NCOA1: variants seen among roughly 807,000 people sequenced by gnomAD.
NCOA1 encodes nuclear receptor coactivator 1.
Under a neutral mutation model 150.9 loss-of-function variants are expected in NCOA1, and 35 were observed. The ratio of observed to expected loss-of-function variants is 0.23; its 90% CI spans 0.18 to 0.31. NCOA1 has a LOEUF of 0.31. Among genes scored for constraint, NCOA1 ranks in the 10% least tolerant of loss-of-function variants. NCOA1 has a pLI of 1.00. For synonymous variants in NCOA1, 590 were observed against 630.0 expected, an observed-to-expected ratio of 0.94 and a Z score of 0.95; for missense variants, 1,491 against 1,749.3, an observed-to-expected ratio of 0.85 and a Z score of 2.63.
At chr2:24,622,575 T>G (rs1192369692) in intron 3 of NCOA1, among the ~76,000 whole-genome samples, 1 of 152,242 alleles carries the variant, frequency 6.6e-6, no homozygotes, top group East Asian at 1.9e-4. Context: ...TATACCAATT[T>G]CTATTCCAAA....
At chr2:24,585,235 C>T (rs1667351569) in intron 3 of NCOA1, among the ~76,000 whole-genome samples, 1 of 152,148 alleles carries the variant, frequency 6.6e-6, no homozygotes, top group Admixed American at 6.5e-5. Context: ...TTAGAGTTCT[C>T]TATCCACTTA....
chr2:24,535,169 T>C (rs1400341556), intron 1 of NCOA1, among the ~76,000 whole-genome samples: 3 of 151,878 alleles, frequency 2.0e-5, no homozygotes, highest in Admixed American at 6.6e-5. Flanking sequence ...ATAGTTAGCT[T>C]TTCTTGTTGA....
chr2:24,542,492 CT>C (rs958319576), intron 1 of NCOA1, among the ~76,000 whole-genome samples: 5 of 151,904 alleles, frequency 3.3e-5, no homozygotes, highest in Admixed American at 6.6e-5. Context: ...AAATTATACA[CT>C]TTTTTTTGGC....
intron 22 of NCOA1, among the ~76,000 whole-genome samples, chr2:24,763,606 GTC>G (rs201961456): frequency 3.6e-5 from 5 of 137,906 alleles, no homozygotes; most frequent in Non-Finnish European, 4.6e-5. Context: ...TTGAACTTTG[GTC>G]TCTCTCTCTT....
chr2:24,554,808 C>T (rs948176570), intron 1 of NCOA1, among the ~76,000 whole-genome samples: 13 of 152,088 alleles, frequency 8.5e-5, no homozygotes, highest in Non-Finnish European at 1.3e-4. Flanking sequence ...AATTGGCTGA[C>T]GGATGCCTGT....
At chr2:24,678,047 C>A (rs1671999476) in intron 7 of NCOA1, among the ~76,000 whole-genome samples, 1 of 152,080 alleles carries the variant, frequency 6.6e-6, no homozygotes, top group African/African-American at 2.4e-5. Context: ...CACCCCTGCC[C>A]CCAACAGGCC....
At chr2:24,691,450 C>A in intron 8 of NCOA1, 31 bp from the exon 9 acceptor site, 1 of 1,599,218 alleles carries the variant, frequency 6.3e-7, no homozygotes, top group Non-Finnish European at 8.5e-7. Context: ...TCACCATATT[C>A]GCAAGCACAT....
intron 11 of NCOA1, among the ~76,000 whole-genome samples, chr2:24,701,941 C>T (rs977506525): frequency 2.6e-5 from 4 of 152,048 alleles, no homozygotes; most frequent in African/African-American, 7.2e-5. Flanking sequence ...ACCCAGGAGG[C>T]GGAGGTTGCA....
chr2:24,615,545 GGAAT>G (rs1350391078), intron 3 of NCOA1, among the ~76,000 whole-genome samples: 3 of 152,138 alleles, frequency 2.0e-5, no homozygotes, highest in Non-Finnish European at 4.4e-5. Context: ...CGTTGTTGAT[GGAAT>G]AGCTGATGGG....
chr2:24,602,053 G>A (rs1225369856), intron 3 of NCOA1, among the ~76,000 whole-genome samples: 1 of 152,040 alleles, frequency 6.6e-6, no homozygotes, highest in Non-Finnish European at 1.5e-5. Flanking sequence ...TACTTCTTCT[G>A]TCGTTTCAAA....
At chr2:24,667,793 T>C (rs1273436319) in intron 6 of NCOA1, among the ~76,000 whole-genome samples, 2 of 152,220 alleles carry the variant, frequency 1.3e-5, no homozygotes, top group Non-Finnish European at 2.9e-5. Context: ...TCTCTAGATA[T>C]CCACATGCTT....
chr2:24,666,584 C>G (rs1262999323), intron 6 of NCOA1, among the ~76,000 whole-genome samples: 3 of 151,864 alleles, frequency 2.0e-5, no homozygotes, highest in Non-Finnish European at 4.4e-5. Flanking sequence ...AGAAAAATCT[C>G]CACTTATATG....
intron 17 of NCOA1, among the ~76,000 whole-genome samples, chr2:24,732,168 C>T (rs1443028643): frequency 3.3e-5 from 5 of 152,208 alleles, no homozygotes; most frequent in African/African-American, 1.2e-4. Context: ...TCCATTTGCT[C>T]CTAAAACAGC....
At chr2:24,585,052 T>C (rs745581693) in intron 3 of NCOA1, among the ~76,000 whole-genome samples, 6 of 152,346 alleles carry the variant, frequency 3.9e-5, no homozygotes, top group Admixed American at 2.0e-4. Flanking sequence ...AGGTTCTTTC[T>C]TCTTAATATG....
chr2:24,617,079 T>TA (rs1668904130), intron 3 of NCOA1, among the ~76,000 whole-genome samples: 2 of 152,118 alleles, frequency 1.3e-5, no homozygotes, highest in South Asian at 4.1e-4. Flanking sequence ...CCTACAAACT[T>TA]ACCATCAAAT....
chr2:24,537,810 T>C (rs1355442878), intron 1 of NCOA1, among the ~76,000 whole-genome samples: 6 of 151,094 alleles, frequency 4.0e-5, no homozygotes, highest in Non-Finnish European at 7.4e-5. Flanking sequence ...TATCTATCTA[T>C]ATATATCTCA....
At chr2:24,715,379 G>A (rs1242356272) in intron 14 of NCOA1, among the ~76,000 whole-genome samples, 2 of 152,098 alleles carry the variant, frequency 1.3e-5, no homozygotes, top group East Asian at 3.8e-4. Flanking sequence ...AAATGGGGTA[G>A]AATAAATGAG....
chr2:24,560,868 T>G (rs1215002264), intron 1 of NCOA1, among the ~76,000 whole-genome samples: 2 of 152,172 alleles, frequency 1.3e-5, no homozygotes, highest in African/African-American at 4.8e-5. Flanking sequence ...AATACAAATT[T>G]GTGAAATCAC....
At position 24,690,651 on chromosome 2, in the gene NCOA1, CAAAAAAAAA is replaced by C. The variant is rs70947837; in HGVS notation, c.533-811_533-803del. Among the ~76,000 whole-genome samples, 73 of 38,438 alleles carry C rather than the reference CAAAAAAAAA, an allele frequency of 1.9e-3. 3 individuals carry two copies. The East Asian group carries it at 0.038, about 20-fold the overall frequency. The allele number at this position is 38,438 out of a possible 152,430, so 25.2% of individuals were successfully genotyped here. A position where few individuals can be genotyped will look rare whatever the true frequency, so the allele number is the denominator to read the frequency against. ...TGGGTGACAAAGTGAGATTCCATCT[CAAAAAAAAA>C]AAAAAAAAAAAAAAAAAAGGCAGTG... is the stretch of plus-strand genomic sequence containing the variant. On this transcript the variant is annotated intron_variant, in intron 8 of 22. Transcript: ENST00000348332.
Sources: allele counts gnomAD v4.1 joint callset (sites outside exome capture counted in the v4.1 genomes callset), GRCh38; gene constraint gnomAD v4.1.1; transcripts MANE v1.5; gene names NCBI Gene and HGNC (gene_info 2026-07-23, HGNC 2026-07-21).